Variants in PSKH1 observed in about 807,000 individuals in gnomAD.
PSKH1 encodes serine/threonine-protein kinase H1.
A neutral mutation model predicts 26.7 loss-of-function variants in PSKH1; 12 were observed. That is an observed-to-expected ratio of 0.45 (90% CI 0.29 to 0.73). The LOEUF (loss-of-function observed/expected upper bound fraction) is 0.73, where lower values mean the gene tolerates loss of function less well. Among genes scored for constraint, PSKH1 ranks in the 30% least tolerant of loss-of-function variants. The pLI is 0.11. For synonymous variants in PSKH1, 213 were observed against 234.3 expected, an observed-to-expected ratio of 0.91 and a Z score of 0.83; for missense variants, 431 against 595.2, an observed-to-expected ratio of 0.72 and a Z score of 2.87.
In PSKH1 at chr16:67,927,839, G is replaced by A. The variant is rs1246176090; in HGVS notation, c.*197G>A. 4.5e-6 allele frequency: 3 copies of A among 660,752 alleles called. No homozygotes were observed. The highest frequency in any genetic ancestry group is 3.0e-5 in the Admixed American group (1 of 33,374). The allele number at this position is 660,752 out of a possible 1,614,324, so 40.9% of individuals were successfully genotyped here. On this transcript the variant is annotated 3_prime_UTR_variant, in exon 3 of 3. Coordinates refer to ENST00000291041, the MANE Select transcript of PSKH1 (RefSeq NM_006742.3). This position sits in a 1 kb window ranked among gnomAD's most constrained non-coding sequence, Gnocchi z 5.5. ...CTGGGCCAGGTGTGACAGAGTAGAG[G>A]TAGCACAGGGGGCTGTGACTCCCCC...
intron 2 of PSKH1, among the ~76,000 whole-genome samples, chr16:67,914,107 T>C (rs2151313304): frequency 6.6e-6 from 1 of 152,184 alleles, no homozygotes; most frequent in South Asian, 2.1e-4. Flanking sequence ...TCAGTTGTCC[T>C]AATAGCAGGC....
At position 67,927,500 on chromosome 16, in the gene PSKH1, G is replaced by A. The variant is rs202152584; in HGVS notation, c.1133G>A (p.Arg378His). Residue 378 changes from arginine (R) to histidine (H), a missense_variant, in exon 3 of 3, where the codon CGT (arginine) becomes CAT (histidine). Arg to His is a conservative substitution (Grantham distance 29). Transcript: ENST00000291041. This position sits in a 1 kb window ranked among gnomAD's most constrained non-coding sequence, Gnocchi z 5.5. ...HRSISQNLLK[R>H]ASSRCQSTKS... is the part of the protein sequence containing the mutation. ...TCCATATCCCAGAACCTCCTTAAACGTGCCTCCTCGCGCTGCCAGAGCACC... is the reference window on the plus strand; with the variant it reads ...TCCATATCCCAGAACCTCCTTAAACATGCCTCCTCGCGCTGCCAGAGCACC... 22 of 1,614,156 alleles carry A rather than the reference G, an allele frequency of 1.4e-5. No individual in the cohort carries two copies. In the Admixed American group the frequency reaches 1.7e-4, roughly 12 times the overall value.
At position 67,898,613 on chromosome 16, in the gene PSKH1, TTTTC is replaced by T. The variant is rs908589466; in HGVS notation, c.-71+5254_-71+5257del. ...ATTTTAGTAGACAGTTTTTCTTTCT[TTTTC>T]TTTCTTTCTTTTTTTTTTTTTTTGG... On this transcript the variant is annotated intron_variant, in intron 1 of 2. Transcript: ENST00000291041. 7.9e-5 allele frequency among the ~76,000 whole-genome samples: 12 copies of T among 151,536 alleles called. No homozygotes were observed. The South Asian group carries it at 8.3e-4, about 11-fold the overall frequency.
chr16:67,910,132 T>C (rs2151312609), intron 2 of PSKH1: 1 of 315,646 alleles, frequency 3.2e-6, no homozygotes, highest in Non-Finnish European at 5.9e-6. Flanking sequence ...CTGACTCCTG[T>C]ACTTCATGGG....
At chr16:67,925,269 C>T (rs529177709) in intron 2 of PSKH1, among the ~76,000 whole-genome samples, 1 of 151,580 alleles carries the variant, frequency 6.6e-6, no homozygotes, top group African/African-American at 2.4e-5. Flanking sequence ...GATCTTGGCT[C>T]ACTGCAACCT....
chr16:67,904,016 A>ATT (rs58819890), intron 1 of PSKH1, among the ~76,000 whole-genome samples: 15 of 126,466 alleles, frequency 1.2e-4, no homozygotes, highest in Middle Eastern at 4.3e-3. Context: ...TACCCAGCTG[A>ATT]TTTTTTTTTT....
intron 1 of PSKH1, among the ~76,000 whole-genome samples, chr16:67,900,354 A>G (rs2058138292): frequency 6.6e-6 from 1 of 152,158 alleles, no homozygotes; most frequent in African/African-American, 2.4e-5. Flanking sequence ...CAAGGGTCTG[A>G]CAGCTGTAGT....
intron 2 of PSKH1, among the ~76,000 whole-genome samples, chr16:67,918,659 T>C (rs1331408143): frequency 2.0e-5 from 3 of 150,302 alleles, no homozygotes; most frequent in Non-Finnish European, 1.5e-5. Flanking sequence ...TGGTGTGATC[T>C]CGGCTCACCA....
intron 1 of PSKH1, among the ~76,000 whole-genome samples, chr16:67,894,503 A>C (rs1410870526): frequency 6.6e-6 from 1 of 152,070 alleles, no homozygotes; most frequent in Non-Finnish European, 1.5e-5. Flanking sequence ...CTTCCACCCC[A>C]CCGACCACCT....
rs2058231074 is a variant in PSKH1, at chr16:67,929,671, T to C, written c.*2029T>C. The C allele has an allele frequency of 2.0e-6, 1 of 509,390 alleles. No individual in the cohort carries two copies. Among genetic ancestry groups the C allele is most frequent in the Admixed American group, 3.2e-5 (1 of 30,918 alleles). The allele number at this position is 509,390 out of a possible 1,614,324, so 31.6% of individuals were successfully genotyped here. ...CCTCTCCAGGGAGGGCTGCCATTCATTCCAACAGTTCTGGCTTCTTGCTGT... is the reference window on the plus strand; with the variant it reads ...CCTCTCCAGGGAGGGCTGCCATTCACTCCAACAGTTCTGGCTTCTTGCTGT... On this transcript the variant is annotated 3_prime_UTR_variant, in exon 3 of 3. Transcript: ENST00000291041.
chr16:67,904,200 G>GTATTTT (rs2058149555), intron 1 of PSKH1, among the ~76,000 whole-genome samples: 1 of 149,242 alleles, frequency 6.7e-6, no homozygotes, highest in South Asian at 2.1e-4. Context: ...ATTTGTATTT[G>GTATTTT]TATTTTTTAT....
intron 1 of PSKH1, among the ~76,000 whole-genome samples, chr16:67,906,952 C>T (rs2058157589): frequency 6.6e-6 from 1 of 151,772 alleles, no homozygotes; most frequent in Admixed American, 6.6e-5. Context: ...CCTCTCTGAG[C>T]TCAAGCCCCT....
chr16:67,894,233 G>T (rs927592420), intron 1 of PSKH1, among the ~76,000 whole-genome samples: 1 of 152,118 alleles, frequency 6.6e-6, no homozygotes, highest in African/African-American at 2.4e-5. Flanking sequence ...GCTCACTGCA[G>T]CCTTGAACTC....
Position 67,894,921 on chromosome 16 carries a change from G to GTT in PSKH1, c.-71+1570_-71+1571dup, listed in dbSNP as rs553685060. On this transcript the variant is annotated intron_variant, in intron 1 of 2. Transcript: ENST00000291041. ...ATCAAGAGCCTTACTGTCTGAGTTAGTTTTTTTTTTTTTTTTTTTTTGAGA... is the reference window on the plus strand; with the variant it reads ...ATCAAGAGCCTTACTGTCTGAGTTAGTTTTTTTTTTTTTTTTTTTTTTTGAGA... 1.2e-3 allele frequency among the ~76,000 whole-genome samples: 148 copies of GTT among 123,030 alleles called. 2 individuals carry two copies. Among genetic ancestry groups the GTT allele is most frequent in the South Asian group, 1.9e-3 (7 of 3,706 alleles). The allele number at this position is 123,030 out of a possible 152,430, so 80.7% of individuals were successfully genotyped here. A position where few individuals can be genotyped will look rare whatever the true frequency, so the allele number is the denominator to read the frequency against.
chr16:67,907,865 C>A (rs918638979), intron 1 of PSKH1, among the ~76,000 whole-genome samples: 8 of 152,076 alleles, frequency 5.3e-5, no homozygotes, highest in Admixed American at 2.6e-4. Context: ...GCCTAAAGGG[C>A]TGGGAAAGAT....
intron 2 of PSKH1, among the ~76,000 whole-genome samples, chr16:67,912,246 A>G (rs2151312991): frequency 6.6e-6 from 1 of 152,332 alleles, no homozygotes; most frequent in Middle Eastern, 3.4e-3. Context: ...TACTCAGTTA[A>G]AAGTCAGGAG....
At chr16:67,926,335 T>G (rs1211096032) in intron 2 of PSKH1, among the ~76,000 whole-genome samples, 2 of 152,210 alleles carry the variant, frequency 1.3e-5, no homozygotes, top group African/African-American at 4.8e-5. Flanking sequence ...GCCTACTGAG[T>G]GCTTCCTGTA....
intron 1 of PSKH1, among the ~76,000 whole-genome samples, chr16:67,898,298 C>T (rs901817302): frequency 1.3e-5 from 2 of 151,822 alleles, no homozygotes; most frequent in Admixed American, 6.6e-5. Flanking sequence ...CCTAGGTACT[C>T]GGGGGCTGAG....
chr16:67,922,556 G>A (rs1263415220), intron 2 of PSKH1, among the ~76,000 whole-genome samples: 1 of 152,130 alleles, frequency 6.6e-6, no homozygotes, highest in Non-Finnish European at 1.5e-5. Context: ...GGGCTCAAGA[G>A]GTCAGCTTAA....
Sources: gnomAD v4.1 joint callset for allele counts (sites outside exome capture counted in the v4.1 genomes callset) on GRCh38, gnomAD v4.1.1 for gene constraint, Gnocchi (gnomAD v3.1) non-coding constraint, MANE v1.5 for transcripts, NCBI Gene and HGNC (gene_info 2026-07-23, HGNC 2026-07-21) for gene names.